The following RBM18 variants were observed in gnomAD, a reference collection of about 807,000 sequenced individuals.
RBM18 encodes the protein RNA binding motif protein 18.
RBM18 carries 18 observed loss-of-function variants against 26.4 expected under a neutral mutation model. That is an observed-to-expected ratio of 0.68 (90% CI 0.47 to 1.01). The LOEUF (loss-of-function observed/expected upper bound fraction) is 1.01, where lower values mean the gene tolerates loss of function less well. Among genes scored for constraint, RBM18 ranks in the 50% least tolerant of loss-of-function variants. The pLI, the probability that RBM18 is intolerant of heterozygous loss-of-function variation, is 0.00. For missense variants in RBM18, 180 were observed against 219.2 expected, an observed-to-expected ratio of 0.82 and a Z score of 1.13; for synonymous variants, 74 against 81.1, an observed-to-expected ratio of 0.91 and a Z score of 0.47.
intron 2 of RBM18, chr9:122,254,243 TAACA>T: frequency 2.1e-6 from 1 of 482,234 alleles, no homozygotes; most frequent in Non-Finnish European, 2.7e-6. Flanking sequence ...TTTGTAAAGC[TAACA>T]AACACATTCT....
At chr9:122,249,087 G>A (rs1831553784) in intron 3 of RBM18, among the ~76,000 whole-genome samples, 1 of 149,422 alleles carries the variant, frequency 6.7e-6, no homozygotes, top group Admixed American at 6.8e-5. Flanking sequence ...GCAGTAATAA[G>A]CTGCCAGCAG....
At chr9:122,247,410 C>T (rs1273819778) in intron 4 of RBM18, 108 bp downstream of exon 4, 2 of 888,182 alleles carry the variant, frequency 2.3e-6, no homozygotes, top group Admixed American at 1.9e-5. Flanking sequence ...TGAAGTATGG[C>T]TGTTTCAGGT....
At chr9:122,264,599 A>G (rs966035704) in intron 1 of RBM18, 116 bp downstream of exon 1, 2 of 152,298 alleles carry the variant, frequency 1.3e-5, no homozygotes, top group African/African-American at 4.8e-5. Context: ...TTTCCGGGCC[A>G]GCGACAGGAC....
At chr9:122,261,265 C>T (rs574174919) in intron 2 of RBM18, 115 bp downstream of exon 2, 5 of 703,520 alleles carry the variant, frequency 7.1e-6, no homozygotes, top group African/African-American at 5.3e-5. Context: ...TCCGAAGACA[C>T]GATGTAAGTA....
At chr9:122,249,361 A>AC (rs1182810493) in intron 3 of RBM18, among the ~76,000 whole-genome samples, 1 of 152,128 alleles carries the variant, frequency 6.6e-6, no homozygotes, top group East Asian at 1.9e-4. Context: ...TTGTATCCTA[A>AC]CCCAGTGTTT....
intron 1 of RBM18, among the ~76,000 whole-genome samples, chr9:122,262,614 C>T (rs1393347200): frequency 2.6e-5 from 4 of 152,252 alleles, no homozygotes; most frequent in South Asian, 2.1e-4. Context: ...GACAGACTCT[C>T]GCTCTGTTGC....
At position 122,242,130 on chromosome 9, in the gene RBM18, A is replaced by C. The variant is rs1470930755; in HGVS notation, c.414-87T>G. The C allele has an allele frequency of 3.9e-6, 5 of 1,298,552 alleles. No individual in the cohort carries two copies. In the East Asian group the frequency reaches 7.2e-5, roughly 19 times the overall value. The allele number at this position is 1,298,552 out of a possible 1,614,324, so 80.4% of individuals were successfully genotyped here. A position where few individuals can be genotyped will look rare whatever the true frequency, so the allele number is the denominator to read the frequency against. On this transcript the variant is annotated intron_variant, in intron 5 of 5. Coordinates refer to ENST00000417201, the MANE Select transcript of RBM18 (RefSeq NM_033117.4). ...GTTCCTCTCCTTGAGCCTCTTGGGA[A>C]TATTAGAGACGCAACAAGATACTAA... is the stretch of plus-strand genomic sequence containing the variant.
At chr9:122,263,210 A>G (rs2118981679) in intron 1 of RBM18, among the ~76,000 whole-genome samples, 1 of 152,336 alleles carries the variant, frequency 6.6e-6, no homozygotes, top group South Asian at 2.1e-4. Context: ...GTAATTGTTT[A>G]TTGAATACCC....
chr9:122,253,058 G>A (rs1208470336), intron 2 of RBM18, among the ~76,000 whole-genome samples: 2 of 152,164 alleles, frequency 1.3e-5, no homozygotes, highest in Non-Finnish European at 2.9e-5. Flanking sequence ...TCTAAACAAT[G>A]CTGTCCCTGT....
intron 3 of RBM18, among the ~76,000 whole-genome samples, chr9:122,249,413 T>C (rs1831561775): frequency 6.6e-6 from 1 of 152,190 alleles, no homozygotes; most frequent in African/African-American, 2.4e-5. Context: ...TGATTTTAGT[T>C]GTCTGCAACA....
At chr9:122,264,375 G>A (rs1831911240) in intron 1 of RBM18, among the ~76,000 whole-genome samples, 1 of 152,188 alleles carries the variant, frequency 6.6e-6, no homozygotes, top group South Asian at 2.1e-4. Flanking sequence ...CAATCCTTTA[G>A]ACTACCAGAG....
At chr9:122,259,447 C>T (rs1391782085) in intron 2 of RBM18, among the ~76,000 whole-genome samples, 5 of 152,070 alleles carry the variant, frequency 3.3e-5, no homozygotes, top group East Asian at 1.9e-4. Flanking sequence ...AGCCATGAAC[C>T]GTAAAAGAGA....
chr9:122,248,758 T>C (rs1182960554), intron 3 of RBM18, among the ~76,000 whole-genome samples: 1 of 152,166 alleles, frequency 6.6e-6, no homozygotes, highest in Non-Finnish European at 1.5e-5. Flanking sequence ...GTGTAACCCA[T>C]GTTTAGTGAG....
intron 1 of RBM18, among the ~76,000 whole-genome samples, chr9:122,264,120 A>G (rs950184070): frequency 1.3e-5 from 2 of 152,180 alleles, no homozygotes; most frequent in African/African-American, 2.4e-5. Flanking sequence ...ACTTAAGTAC[A>G]CTGCCTGTCT....
intron 2 of RBM18, among the ~76,000 whole-genome samples, chr9:122,257,161 C>T (rs1831710494): frequency 6.6e-6 from 1 of 152,126 alleles, no homozygotes. Flanking sequence ...CTGCAAGCTC[C>T]GCCTCCCAGG....
chr9:122,245,037 C>CT (rs1466041882), intron 5 of RBM18, among the ~76,000 whole-genome samples: 2 of 152,144 alleles, frequency 1.3e-5, no homozygotes, highest in Non-Finnish European at 2.9e-5. Flanking sequence ...TACACCCAGT[C>CT]TTTTTCGAGG....
chr9:122,246,404 G>A (rs541977791), intron 4 of RBM18, among the ~76,000 whole-genome samples: 10 of 152,318 alleles, frequency 6.6e-5, no homozygotes, highest in Non-Finnish European at 1.2e-4. Flanking sequence ...AGAACCGTGA[G>A]GCACAGAGAT....
At chr9:122,263,473 A>G (rs970750696) in intron 1 of RBM18, among the ~76,000 whole-genome samples, 3 of 152,262 alleles carry the variant, frequency 2.0e-5, no homozygotes, top group Admixed American at 2.0e-4. Context: ...CATTCAAAAA[A>G]TAAATTCACT....
Position 122,240,211 on chromosome 9 carries a change from G to A in RBM18, c.*1673C>T, listed in dbSNP as rs561678172. ...CCACCATAATCCTTTGAAGACTTAC[G>A]GATAAAATGGTGAATTCTATACTCC... On this transcript the variant is annotated 3_prime_UTR_variant, in exon 6 of 6. Coordinates refer to ENST00000417201, the MANE Select transcript of RBM18 (RefSeq NM_033117.4). The A allele has an allele frequency of 2.0e-5, 3 of 152,132 alleles. No individual in the cohort carries two copies. The highest frequency in any genetic ancestry group is 2.9e-5 in the Non-Finnish European group (2 of 68,000). The allele number at this position is 152,132 out of a possible 1,614,324, so 9.4% of individuals were successfully genotyped here. A position where few individuals can be genotyped will look rare whatever the true frequency, so the allele number is the denominator to read the frequency against.
Sources: allele counts gnomAD v4.1 joint callset (sites outside exome capture counted in the v4.1 genomes callset), GRCh38; gene constraint gnomAD v4.1.1; transcripts MANE v1.5; gene names NCBI Gene and HGNC (gene_info 2026-07-23, HGNC 2026-07-21).